Variants in NOX4 observed in about 807,000 individuals in gnomAD.
The protein encoded by NOX4 is NADPH oxidase 4.
A neutral mutation model predicts 87.6 loss-of-function variants in NOX4; 69 were observed. That is an observed-to-expected ratio of 0.79 (90% CI 0.65 to 0.96). NOX4 has a LOEUF of 0.96. NOX4 is among the 40% of genes least tolerant of loss of function. The pLI is 0.00. For synonymous variants in NOX4, 275 were observed against 238.2 expected (o/e 1.15, Z -1.42); for missense variants, 680 against 681.5 (o/e 1.00, Z 0.02).
the NOX4 span, among the ~76,000 whole-genome samples, chr11:89,571,225 C>G: frequency 6.6e-6 from 1 of 151,888 alleles, no homozygotes; most frequent in African/African-American, 2.4e-5. Flanking sequence ...AGCATTTTTA[C>G]TCTCTTGATG....
chr11:89,555,794 G>C, the NOX4 span, among the ~76,000 whole-genome samples: 1 of 152,106 alleles, frequency 6.6e-6, no homozygotes, highest in Non-Finnish European at 1.5e-5. Flanking sequence ...AGAAAGGAGA[G>C]AGCCGATATG....
the NOX4 span, among the ~76,000 whole-genome samples, chr11:89,575,182 T>TAAA: frequency 7.0e-6 from 1 of 142,118 alleles, no homozygotes; most frequent in African/African-American, 2.6e-5. Context: ...GAACTCCATC[T>TAAA]AAAAAAAAAA....
chr11:89,523,645 A>C, the NOX4 span, among the ~76,000 whole-genome samples: 1 of 152,182 alleles, frequency 6.6e-6, no homozygotes, highest in Non-Finnish European at 1.5e-5. Flanking sequence ...GAAAATGAAA[A>C]CATGTCCACA....
the NOX4 span, among the ~76,000 whole-genome samples, chr11:89,558,528 G>A: frequency 6.6e-6 from 1 of 152,082 alleles, no homozygotes; most frequent in Non-Finnish European, 1.5e-5. Context: ...AAGCCTGGAA[G>A]CCAAGACTAG....
At chr11:89,353,866 A>G (rs948418789) in intron 13 of NOX4, among the ~76,000 whole-genome samples, 5 of 152,232 alleles carry the variant, frequency 3.3e-5, no homozygotes, top group African/African-American at 4.8e-5. Context: ...ATGTACGTAT[A>G]GAGCAAAGTA....
chr11:89,569,093 T>C, the NOX4 span, among the ~76,000 whole-genome samples: 1 of 151,844 alleles, frequency 6.6e-6, no homozygotes, highest in Non-Finnish European at 1.5e-5. Flanking sequence ...AATGTAAAAC[T>C]TTTAACTATA....
intron 11 of NOX4, among the ~76,000 whole-genome samples, chr11:89,375,305 T>TTTGTTG (rs527557507): frequency 1.3e-5 from 2 of 152,050 alleles, no homozygotes; most frequent in African/African-American, 4.8e-5. Flanking sequence ...CATTGTAACT[T>TTTGTTG]TTGTTGTTGT....
At chr11:89,385,072 C>A (rs1466203900) in intron 11 of NOX4, among the ~76,000 whole-genome samples, 1 of 152,160 alleles carries the variant, frequency 6.6e-6, no homozygotes, top group Non-Finnish European at 1.5e-5. Flanking sequence ...CACTACCTCT[C>A]AGCAAGCCAA....
chr11:89,558,083 T>C, the NOX4 span, among the ~76,000 whole-genome samples: 6 of 152,114 alleles, frequency 3.9e-5, no homozygotes, highest in Non-Finnish European at 7.4e-5. Context: ...GCTTCCTGCA[T>C]TTGGAGGCCA....
the NOX4 span, among the ~76,000 whole-genome samples, chr11:89,516,053 T>C: frequency 6.6e-6 from 1 of 152,070 alleles, no homozygotes. Context: ...TTATGTATTA[T>C]ATATTCACTT....
chr11:89,355,664 G>A (rs1161242681), intron 12 of NOX4, among the ~76,000 whole-genome samples: 2 of 152,062 alleles, frequency 1.3e-5, no homozygotes, highest in Admixed American at 1.3e-4. Flanking sequence ...ACCAAGTGTT[G>A]GAGAGGATGT....
chr11:89,402,131 C>T (rs1226533407), intron 9 of NOX4, among the ~76,000 whole-genome samples, 195 bp downstream of exon 9: 2 of 151,978 alleles, frequency 1.3e-5, no homozygotes, highest in Non-Finnish European at 2.9e-5. Context: ...TGTTATATAT[C>T]CTCTAATATC....
chr11:89,477,216 G>T (rs1183304014), intron 2 of NOX4, among the ~76,000 whole-genome samples: 2 of 152,118 alleles, frequency 1.3e-5, no homozygotes, highest in Admixed American at 6.5e-5. Flanking sequence ...GAAACTAAAT[G>T]GTCCTATCTG....
At chr11:89,401,216 A>G (rs1240380863) in intron 9 of NOX4, among the ~76,000 whole-genome samples, 1 of 152,084 alleles carries the variant, frequency 6.6e-6, no homozygotes, top group East Asian at 1.9e-4. Context: ...TGCATATAAT[A>G]ACATTTAGCC....
At chr11:89,424,822 C>A (rs1349828240) in intron 7 of NOX4, among the ~76,000 whole-genome samples, 2 of 151,972 alleles carry the variant, frequency 1.3e-5, no homozygotes, top group Non-Finnish European at 2.9e-5. Flanking sequence ...GGGACTTATT[C>A]ATTCACTTGA....
chr11:89,544,799 T>C, the NOX4 span, among the ~76,000 whole-genome samples: 1 of 151,948 alleles, frequency 6.6e-6, no homozygotes, highest in African/African-American at 2.4e-5. Flanking sequence ...TCAATTCACA[T>C]GTACCTTATT....
intron 8 of NOX4, among the ~76,000 whole-genome samples, chr11:89,409,258 C>T (rs1378431499): frequency 2.0e-5 from 3 of 152,100 alleles, no homozygotes; most frequent in Non-Finnish European, 4.4e-5. Context: ...TCCTTTCCCC[C>T]AACTTTCTCA....
intron 17 of NOX4, among the ~76,000 whole-genome samples, chr11:89,334,036 A>G (rs1223390068): frequency 6.6e-6 from 1 of 151,758 alleles, no homozygotes; most frequent in Non-Finnish European, 1.5e-5. Context: ...AACTAACTGT[A>G]GGAACCAACA....
At chr11:89,364,057 C>T (rs1377671426) in intron 12 of NOX4, among the ~76,000 whole-genome samples, 2 of 151,952 alleles carry the variant, frequency 1.3e-5, no homozygotes, top group Non-Finnish European at 2.9e-5. Flanking sequence ...CCAGCCTGGG[C>T]AACACAGCAA....
Sources: allele counts gnomAD v4.1 joint callset (sites outside exome capture counted in the v4.1 genomes callset), GRCh38; gene constraint gnomAD v4.1.1; transcripts MANE v1.5; gene names NCBI Gene and HGNC (gene_info 2026-07-23, HGNC 2026-07-21).